The following TNFRSF21 variants were observed in gnomAD, a reference collection of about 807,000 sequenced individuals.
The protein encoded by TNFRSF21 is tumor necrosis factor receptor superfamily member 21.
TNFRSF21 carries 19 observed loss-of-function variants against 45.6 expected under a neutral mutation model. The observed-to-expected ratio is 0.42, with a 90% CI of 0.29 to 0.61. The LOEUF (loss-of-function observed/expected upper bound fraction) is 0.61. Ranked by LOEUF, TNFRSF21 falls within the 20% of genes least tolerant of loss-of-function variation. TNFRSF21 has a pLI of 0.23. For synonymous variants in TNFRSF21, 314 were observed against 335.5 expected, an observed-to-expected ratio of 0.94 and a Z score of 0.70; for missense variants, 737 against 851.5, an observed-to-expected ratio of 0.87 and a Z score of 1.67.
intron 1 of TNFRSF21, among the ~76,000 whole-genome samples, chr6:47,303,342 CA>C (rs1762898642): frequency 6.6e-6 from 1 of 152,156 alleles, no homozygotes; most frequent in Non-Finnish European, 1.5e-5. Flanking sequence ...TTTTGTGTAG[CA>C]CAAAGTCTTA....
chr6:47,268,020 G>C (rs1762360154), intron 3 of TNFRSF21, among the ~76,000 whole-genome samples: 1 of 152,190 alleles, frequency 6.6e-6, no homozygotes. Flanking sequence ...TGATGGTCTA[G>C]GTTTCAAGCA....
In TNFRSF21 at chr6:47,286,268, C is replaced by A. The variant is rs549601816; in HGVS notation, c.424G>T (p.Ala142Ser). ...CACACCGTATGGGGGGCACAGGTAGCGTTAGACTGGAACATGCCAGGTGGG... is the reference window on the plus strand; with the variant it reads ...CACACCGTATGGGGGGCACAGGTAGAGTTAGACTGGAACATGCCAGGTGGG... ...TCPPGMFQSN[A>S]TCAPHTVCPV... The change falls in exon 2 of 6, where the codon GCT (alanine) becomes TCT (serine). Residue 142 changes from alanine (A) to serine (S), a missense_variant. By Grantham distance (99) the Ala-to-Ser change is moderately conservative. Transcript: ENST00000296861. 1.2e-6 allele frequency: 2 copies of A among 1,614,218 alleles called. No individual in the cohort carries two copies. Among genetic ancestry groups the A allele is most frequent in the East Asian group, 4.5e-5 (2 of 44,886 alleles).
intron 1 of TNFRSF21, among the ~76,000 whole-genome samples, chr6:47,293,559 C>G (rs1762755870): frequency 6.6e-6 from 1 of 152,152 alleles, no homozygotes; most frequent in Non-Finnish European, 1.5e-5. Flanking sequence ...GAAAGTCTGT[C>G]AACACCTGCA....
intron 3 of TNFRSF21, among the ~76,000 whole-genome samples, chr6:47,260,245 T>A (rs1485378757): frequency 6.9e-6 from 1 of 145,524 alleles, no homozygotes; most frequent in Non-Finnish European, 1.5e-5. Context: ...ACGTACATGT[T>A]AGGAGATGGC....
chr6:47,292,582 G>A (rs1381547789), intron 1 of TNFRSF21, among the ~76,000 whole-genome samples: 1 of 152,136 alleles, frequency 6.6e-6, no homozygotes, highest in East Asian at 1.9e-4. Context: ...CTGCCCAATC[G>A]CACTTCTGCA....
Position 47,309,832 on chromosome 6 carries a change from C to G in TNFRSF21, c.-321G>C. 1 of 283,004 alleles carries G rather than the reference C, an allele frequency of 3.5e-6. No individual in the cohort carries two copies. Among genetic ancestry groups the G allele is most frequent in the East Asian group, 5.9e-5 (1 of 17,090 alleles). 17.5% of individuals were successfully genotyped at this position (283,004 alleles called of 1,614,324 possible). On this transcript the variant is annotated 5_prime_UTR_variant, in exon 1 of 6. Transcript: ENST00000296861. ...GACTGGGCGCGAGAGAGCAAAGGAA[C>G]GACTTCCCATAGCGAAGCTTCCAGC...
intron 1 of TNFRSF21, among the ~76,000 whole-genome samples, chr6:47,304,910 T>C (rs1162101523): frequency 6.6e-6 from 1 of 152,234 alleles, no homozygotes; most frequent in Non-Finnish European, 1.5e-5. Flanking sequence ...ACTGTAATGA[T>C]AACTCATGGG....
At chr6:47,263,328 G>C (rs1460576083) in intron 3 of TNFRSF21, among the ~76,000 whole-genome samples, 1 of 152,178 alleles carries the variant, frequency 6.6e-6, no homozygotes, top group Non-Finnish European at 1.5e-5. Flanking sequence ...CAAGCAGGCA[G>C]GAGCATATTT....
chr6:47,262,686 A>G (rs1490324341), intron 3 of TNFRSF21, among the ~76,000 whole-genome samples: 1 of 152,142 alleles, frequency 6.6e-6, no homozygotes, highest in African/African-American at 2.4e-5. Context: ...TTATCTGTGG[A>G]AAGAGGGTTC....
At chr6:47,280,080 A>C (rs1762547009) in intron 3 of TNFRSF21, among the ~76,000 whole-genome samples, 1 of 152,196 alleles carries the variant, frequency 6.6e-6, no homozygotes. Flanking sequence ...ATAATAAAAG[A>C]GGTTTTTGTT....
chr6:47,271,123 C>G lies in TNFRSF21; in HGVS notation c.1243+12815G>C, dbSNP rs1582337561. 2.6e-5 allele frequency among the ~76,000 whole-genome samples: 4 copies of G among 152,284 alleles called. No homozygotes were observed. The South Asian group carries it at 8.3e-4, about 32-fold the overall frequency. ...ATATTATCCAGGAGAACTTCCCCAA[C>G]CTACCAAGGCAGGCCAACATTCAAA... On this transcript the variant is annotated intron_variant, in intron 3 of 5. Transcript: ENST00000296861.
In TNFRSF21 at chr6:47,234,660, A is replaced by T. The variant is rs754861343; in HGVS notation, c.1738+10T>A. 9 of 1,599,708 alleles carry T rather than the reference A, an allele frequency of 5.6e-6. No homozygotes were observed. The highest frequency in any genetic ancestry group is 7.7e-6 in the Non-Finnish European group (9 of 1,172,780). On this transcript the variant is annotated intron_variant, in intron 5 of 5. Coordinates refer to ENST00000296861, the MANE Select transcript of TNFRSF21 (RefSeq NM_014452.5). Reference sequence around the variant, plus strand: ...AAGTGCGTGTGTGAGGTCTGCTGCGATGCCCGTACCTTTGGTAATAAAGGA... The same window carrying T: ...AAGTGCGTGTGTGAGGTCTGCTGCGTTGCCCGTACCTTTGGTAATAAAGGA...
chr6:47,273,529 T>C (rs1477441518), intron 3 of TNFRSF21, among the ~76,000 whole-genome samples: 1 of 152,158 alleles, frequency 6.6e-6, no homozygotes, highest in Non-Finnish European at 1.5e-5. Context: ...ATAAGTGCTA[T>C]TGATGACAAA....
rs909999683 is a variant in TNFRSF21 at position 47,235,674 on chromosome 6, C to A, written c.1510-776G>T. ...AGTGACTTTCTTAACTAAGGGCCAA[C>A]AAGGAAGTCACAGAACTAAAACTAG... On this transcript the variant is annotated intron_variant, in intron 4 of 5. Coordinates refer to ENST00000296861, the MANE Select transcript of TNFRSF21 (RefSeq NM_014452.5). Among the ~76,000 whole-genome samples, 6 of 152,142 alleles carry A rather than the reference C, an allele frequency of 3.9e-5. No individual in the cohort carries two copies. The East Asian group carries it at 9.6e-4, about 24-fold the overall frequency.
At chr6:47,260,166 G>A (rs1765051652) in intron 3 of TNFRSF21, among the ~76,000 whole-genome samples, 1 of 152,088 alleles carries the variant, frequency 6.6e-6, no homozygotes, top group African/African-American at 2.4e-5. Context: ...TTTAGCACTG[G>A]GATTATTGGT....
At chr6:47,252,225 T>C (rs1485880516) in intron 4 of TNFRSF21, among the ~76,000 whole-genome samples, 1 of 152,216 alleles carries the variant, frequency 6.6e-6, no homozygotes, top group African/African-American at 2.4e-5. Context: ...TAAACTGAAT[T>C]GATGTCATAA....
intron 3 of TNFRSF21, among the ~76,000 whole-genome samples, chr6:47,278,564 C>A (rs1762528403): frequency 6.6e-6 from 1 of 152,118 alleles, no homozygotes; most frequent in Non-Finnish European, 1.5e-5. Flanking sequence ...CAGCTCTGGA[C>A]CACCCCTCCT....
intron 4 of TNFRSF21, among the ~76,000 whole-genome samples, chr6:47,246,430 T>C (rs961061306): frequency 1.3e-5 from 2 of 152,184 alleles, no homozygotes; most frequent in Non-Finnish European, 2.9e-5. Context: ...TTACAAAGCT[T>C]GGAGACTGTA....
At chr6:47,268,161 C>T (rs1159977475) in intron 3 of TNFRSF21, among the ~76,000 whole-genome samples, 3 of 152,182 alleles carry the variant, frequency 2.0e-5, no homozygotes, top group African/African-American at 7.2e-5. Context: ...CCCACTGACT[C>T]GTGGTGTGGC....
Sources: gnomAD v4.1 joint callset for allele counts (sites outside exome capture counted in the v4.1 genomes callset) on GRCh38, gnomAD v4.1.1 for gene constraint, MANE v1.5 for transcripts, NCBI Gene and HGNC (gene_info 2026-07-23, HGNC 2026-07-21) for gene names.